SHOX: variants seen among roughly 807,000 people sequenced by gnomAD.
The protein encoded by SHOX is SHOX homeobox, also known as short stature homeobox protein.
A neutral mutation model predicts 29.6 loss-of-function variants in SHOX; 12 were observed. The observed-to-expected ratio is 0.41, with a 90% CI of 0.26 to 0.66. The LOEUF is 0.66. Among genes scored for constraint, SHOX ranks in the 30% least tolerant of loss-of-function variants. The probability of loss-of-function intolerance (pLI) is 0.35; values close to 1 mark genes in which losing one functional copy is unlikely to be tolerated. For missense variants in SHOX, 499 were observed against 437.7 expected, an observed-to-expected ratio of 1.14 and a Z score of -1.25; for synonymous variants, 214 against 200.6, an observed-to-expected ratio of 1.07 and a Z score of -0.57.
At chrX:655,560 C>CTCTCTG (rs1456230947), downstream of SHOX, among the ~76,000 whole-genome samples, 85 of 94,462 alleles carry the variant, frequency 9.0e-4, no homozygotes, top group African/African-American at 3.5e-3. Context: ...AAAAAGGACT[C>CTCTCTG]TCTCTCTGTC....
At chrX:653,058 C>T (rs1358505727), downstream of SHOX, among the ~76,000 whole-genome samples, 3 of 151,882 alleles carry the variant, frequency 2.0e-5, no homozygotes, top group African/African-American at 4.8e-5. Context: ...CTGGCCAACA[C>T]GGTGAAACTC....
intron 1 of SHOX, 115 bp from the exon 2 acceptor site, chrX:634,503 T>C (rs981580149): frequency 1.7e-6 from 2 of 1,163,728 alleles, no homozygotes; most frequent in South Asian, 1.3e-5. Flanking sequence ...AGTTTTTGCG[T>C]CAAAGCGCAT....
intron 2 of SHOX, among the ~76,000 whole-genome samples, chrX:639,244 G>A (rs2052808061): frequency 6.6e-6 from 1 of 152,178 alleles, no homozygotes; most frequent in Non-Finnish European, 1.5e-5. Flanking sequence ...GTCCTTAGAG[G>A]GGCAGAATGC....
intron 5 of SHOX, among the ~76,000 whole-genome samples, chrX:658,136 G>C (rs1304723292): frequency 6.6e-6 from 1 of 151,902 alleles, no homozygotes; most frequent in Non-Finnish European, 1.5e-5. Context: ...CACCACGCCT[G>C]GCTAATGTTT....
Position 650,827 on chromosome X carries a change from C to G in SHOX, c.*6191C>G, listed in dbSNP as rs1176597962. On this transcript the variant is annotated 3_prime_UTR_variant, in exon 5 of 5. Coordinates refer to ENST00000686671, the MANE Select transcript of SHOX (RefSeq NM_000451.4). ...AAAAAAAAAAAAAAAAAACTGGTGC[C>G]TAATTTATTAAAGAGAATTAGCTTA... 7.1e-5 allele frequency among the ~76,000 whole-genome samples: 9 copies of G among 127,146 alleles called. No individual in the cohort carries two copies. Among genetic ancestry groups the G allele is most frequent in the Non-Finnish European group, 1.4e-4 (8 of 57,104 alleles). 83.4% of individuals were successfully genotyped at this position (127,146 alleles called of 152,430 possible).
Position 644,496 on chromosome X carries a change from G to C in SHOX, c.739G>C (p.Gly247Arg). The C allele has an allele frequency of 6.6e-7, 1 of 1,522,612 alleles. No homozygotes were observed. The highest frequency in any genetic ancestry group is 8.8e-7 in the Non-Finnish European group (1 of 1,142,010). The allele number at this position is 1,522,612 out of a possible 1,614,324, so 94.3% of individuals were successfully genotyped here. A position where few individuals can be genotyped will look rare whatever the true frequency, so the allele number is the denominator to read the frequency against. ...CCTGATGTTCCCCCCGCCGCCCTTC[G>C]GGCTGCCCATCGCGTCGCTGGCCGA... The part of the protein sequence containing the change: ...PYLMFPPPPF[G>R]LPIASLAESA... The change falls in exon 5 of 5, where the codon GGG (glycine) becomes CGG (arginine). Residue 247 changes from glycine (G) to arginine (R), a missense_variant. Coordinates refer to ENST00000686671, the MANE Select transcript of SHOX (RefSeq NM_000451.4).
At chrX:627,866 G>C (rs779892127), upstream of SHOX, among the ~76,000 whole-genome samples, 1 of 152,292 alleles carries the variant, frequency 6.6e-6, no homozygotes, top group East Asian at 1.9e-4. Context: ...GAGCTGGGAG[G>C]ACGGAGGGTT....
downstream of SHOX, among the ~76,000 whole-genome samples, chrX:655,612 CTCTATATATATATATATATA>C (rs1428205683): frequency 0.037 from 572 of 15,628 alleles, 2 homozygotes; most frequent in South Asian, 0.058. Flanking sequence ...CTCTCTCTCT[CTCTATATATATATATATATA>C]TATATATATA....
exon 6 of SHOX, chrX:659,402 GT>G (rs1227762875): frequency 6.6e-6 from 1 of 152,120 alleles, no homozygotes; most frequent in African/African-American, 2.4e-5. Flanking sequence ...AAAAAGGACT[GT>G]TACGTGGATG....
upstream of SHOX, among the ~76,000 whole-genome samples, chrX:629,043 G>A (rs371558523): frequency 5.3e-5 from 3 of 56,338 alleles, no homozygotes; most frequent in African/African-American, 1.7e-4. Context: ...CTCTCTCTCT[G>A]TCTCTCCCTC....
chrX:653,941 A>C (rs2053102611), downstream of SHOX, among the ~76,000 whole-genome samples: 1 of 152,200 alleles, frequency 6.6e-6, no homozygotes, highest in Admixed American at 6.5e-5. Flanking sequence ...AGTTGTTTTA[A>C]ACTTTGCAAG....
At position 641,115 on chromosome X, in the gene SHOX, T is replaced by G. The variant is rs780215278; in HGVS notation, c.633+28T>G. On this transcript the variant is annotated intron_variant, in intron 4 of 4. Transcript: ENST00000686671. Reference sequence around the variant, plus strand: ...AGCTCACTTTTTCTTCCTCTGAAGATCCCTAGGGACCTGCTGCTCCCTTCC... The same window carrying G: ...AGCTCACTTTTTCTTCCTCTGAAGAGCCCTAGGGACCTGCTGCTCCCTTCC... 13 of 1,600,814 alleles carry G rather than the reference T, an allele frequency of 8.1e-6. No homozygotes were observed. The Admixed American group carries it at 2.2e-4, about 27-fold the overall frequency.
At position 634,557 on chromosome X, in the gene SHOX, G is replaced by T. The variant is rs761019786; in HGVS notation, c.278-61G>T. On this transcript the variant is annotated intron_variant, in intron 1 of 4. Coordinates refer to ENST00000686671, the MANE Select transcript of SHOX (RefSeq NM_000451.4). ...TTTCCACCGCGGGATGCACGAAGGG[G>T]TTCGCCACGTTGCGCAAAACCTCCC... 11 of 1,578,446 alleles carry T rather than the reference G, an allele frequency of 7.0e-6. No homozygotes were observed. The African/African-American group carries it at 1.1e-4, about 15-fold the overall frequency.
At position 650,789 on chromosome X, in the gene SHOX, C is replaced by T. The variant is rs1180592259; in HGVS notation, c.*6153C>T. ...AGAGGCTTTCGGTGGACACGTTTGA[C>T]ATTAAAAAAAAAAAAAAAAAAAAAA... On this transcript the variant is annotated 3_prime_UTR_variant, in exon 5 of 5. Coordinates refer to ENST00000686671, the MANE Select transcript of SHOX (RefSeq NM_000451.4). Among the ~76,000 whole-genome samples the T allele has an allele frequency of 3.8e-5, 1 of 26,144 alleles. No homozygotes were observed. The highest frequency in any genetic ancestry group is 7.5e-5 in the Non-Finnish European group (1 of 13,362). The allele number at this position is 26,144 out of a possible 152,430, so 17.2% of individuals were successfully genotyped here.
rs1445888745 is a variant in SHOX, at chrX:641,020, A to C, written c.566A>C (p.Asn189Thr). The C allele has an allele frequency of 1.2e-6, 2 of 1,613,736 alleles. No homozygotes were observed. The highest frequency in any genetic ancestry group is 1.7e-6 in the Non-Finnish European group (2 of 1,179,866). The change falls in exon 4 of 5, where the codon AAC becomes ACC. Residue 189 changes from asparagine (N) to threonine (T), a missense_variant. Coordinates refer to ENST00000686671, the MANE Select transcript of SHOX (RefSeq NM_000451.4). ...ACAGGCGTCATCTTGGGCACAGCCA[A>C]CCACCTAGACGCCTGCCGAGTGGCA... Reference protein sequence around the residue: ...MHKGVILGTANHLDACRVAPY... With the variant: ...MHKGVILGTATHLDACRVAPY...
rs1569494124 is a variant in SHOX, at chrX:636,947, A to AT, written c.486+2121_486+2122insT. Among the ~76,000 whole-genome samples, 292 of 78,916 alleles carry AT rather than the reference A, an allele frequency of 3.7e-3. 3 individuals are homozygous for AT. Among genetic ancestry groups the AT allele is most frequent in the East Asian group, 6.8e-3 (17 of 2,484 alleles). 51.8% of individuals were successfully genotyped at this position (78,916 alleles called of 152,430 possible). On this transcript the variant is annotated intron_variant, in intron 2 of 4. Coordinates refer to ENST00000686671, the MANE Select transcript of SHOX (RefSeq NM_000451.4). Reference sequence around the variant, plus strand: ...GGTTTTACGAGCTCTTTCATTTAAAAATATATATATATATATATATATATT... The same window carrying AT: ...GGTTTTACGAGCTCTTTCATTTAAAATATATATATATATATATATATATATT...
chrX:632,966 C>G (rs1006328874), intron 1 of SHOX, among the ~76,000 whole-genome samples: 1 of 152,146 alleles, frequency 6.6e-6, no homozygotes, highest in African/African-American at 2.4e-5. Context: ...TGGCCGTGGA[C>G]CCGGGAGAGC....
chrX:633,917 A>T (rs1223739028), intron 1 of SHOX, among the ~76,000 whole-genome samples: 1 of 152,188 alleles, frequency 6.6e-6, no homozygotes, highest in Non-Finnish European at 1.5e-5. Context: ...TGACTCCCCC[A>T]GCAAATACAG....
chrX:631,811 C>T (rs759373961), intron 1 of SHOX: 12 of 441,566 alleles, frequency 2.7e-5, no homozygotes, highest in Non-Finnish European at 5.1e-5. Flanking sequence ...GGATGACAGG[C>T]GTGAGGCACC....
Sources: allele counts gnomAD v4.1 joint callset (sites outside exome capture counted in the v4.1 genomes callset), GRCh38; gene constraint gnomAD v4.1.1; transcripts MANE v1.5; gene names NCBI Gene and HGNC (gene_info 2026-07-23, HGNC 2026-07-21).